The following STAG1 variants were observed in gnomAD, a reference collection of about 807,000 sequenced individuals.
STAG1 encodes STAG1 cohesin complex component, also known as cohesin subunit SA-1.
STAG1 carries 26 observed loss-of-function variants against 170.9 expected under a neutral mutation model. That is an observed-to-expected ratio of 0.15 (90% CI 0.11 to 0.21). The LOEUF (loss-of-function observed/expected upper bound fraction) is 0.21, where lower values mean the gene tolerates loss of function less well. Ranked by LOEUF, STAG1 falls within the 10% of genes least tolerant of loss-of-function variation. The probability of loss-of-function intolerance (pLI) is 1.00; values close to 1 mark genes in which losing one functional copy is unlikely to be tolerated. For missense variants in STAG1, 964 were observed against 1,509.5 expected, an observed-to-expected ratio of 0.64 and a Z score of 5.99; for synonymous variants, 514 against 497.7, an observed-to-expected ratio of 1.03 and a Z score of -0.44.
intron 15 of STAG1, among the ~76,000 whole-genome samples, chr3:136,437,849 C>G (rs1046654459): frequency 1.3e-5 from 2 of 152,156 alleles, no homozygotes; most frequent in Non-Finnish European, 2.9e-5. Flanking sequence ...GGCTCTTTCC[C>G]TCTTTATAAG....
At chr3:136,357,642 G>A in intron 28 of STAG1, 78 bp downstream of exon 28, 1 of 1,117,368 alleles carries the variant, frequency 8.9e-7, no homozygotes, top group South Asian at 1.7e-5. Flanking sequence ...ATATCCAAAT[G>A]ATTAAAAATT....
At chr3:136,747,146 GCCTGCATTC>G (rs1415599979) in intron 1 of STAG1, among the ~76,000 whole-genome samples, 2 of 147,318 alleles carry the variant, frequency 1.4e-5, no homozygotes, top group Admixed American at 6.8e-5. Context: ...GGTGGTGCGT[GCCTGCATTC>G]CCAGCTACTC....
intron 1 of STAG1, among the ~76,000 whole-genome samples, chr3:136,738,780 A>G (rs1934491650): frequency 6.6e-6 from 1 of 152,216 alleles, no homozygotes; most frequent in African/African-American, 2.4e-5. Flanking sequence ...AATGCTGAGA[A>G]CAGATTTTAA....
intron 28 of STAG1, among the ~76,000 whole-genome samples, chr3:136,355,061 T>C (rs1161688850): frequency 1.3e-5 from 2 of 151,740 alleles, no homozygotes; most frequent in African/African-American, 4.8e-5. Context: ...CAATTAAAAA[T>C]GTATGTACAG....
At chr3:136,733,554 TAGAC>T (rs913918744) in intron 1 of STAG1, among the ~76,000 whole-genome samples, 1 of 152,206 alleles carries the variant, frequency 6.6e-6, no homozygotes, top group African/African-American at 2.4e-5. Context: ...CAAGTTTACA[TAGAC>T]AGAAACACGC....
chr3:136,467,265 T>C (rs1188222118), intron 12 of STAG1, among the ~76,000 whole-genome samples: 1 of 151,954 alleles, frequency 6.6e-6, no homozygotes, highest in Non-Finnish European at 1.5e-5. Flanking sequence ...AGGAGACCCA[T>C]CTCACATGCA....
intron 6 of STAG1, among the ~76,000 whole-genome samples, chr3:136,537,792 G>A (rs1935711187): frequency 6.6e-6 from 1 of 151,874 alleles, no homozygotes; most frequent in South Asian, 2.1e-4. Context: ...CACTGCGCCT[G>A]GCCAATAGTA....
intron 1 of STAG1, among the ~76,000 whole-genome samples, chr3:136,651,480 A>G (rs566194580): frequency 1.3e-5 from 2 of 152,060 alleles, no homozygotes; most frequent in Non-Finnish European, 2.9e-5. Flanking sequence ...TTAAAATATT[A>G]AAAATCTTGT....
chr3:136,658,239 T>A (rs113773468), intron 1 of STAG1, among the ~76,000 whole-genome samples: 7 of 152,038 alleles, frequency 4.6e-5, no homozygotes, highest in African/African-American at 1.4e-4. Flanking sequence ...TACTGATGAT[T>A]AACGAACTTA....
rs190082014 is a variant in STAG1 at position 136,676,239 on chromosome 3, G to C, written c.-83-45258C>G. On this transcript the variant is annotated intron_variant, in intron 1 of 33. Coordinates refer to ENST00000383202, the MANE Select transcript of STAG1 (RefSeq NM_005862.3). Reference sequence around the variant, plus strand: ...GTAGTGAGTGAATGTGAAGGCCTAAGACATTACTGTCCATTACTGTAGACT... The same window carrying C: ...GTAGTGAGTGAATGTGAAGGCCTAACACATTACTGTCCATTACTGTAGACT... 6.6e-5 allele frequency among the ~76,000 whole-genome samples: 10 copies of C among 152,268 alleles called. 1 individual carries two copies. Among genetic ancestry groups the C allele is most frequent in the Admixed American group, 5.2e-4 (8 of 15,276 alleles).
chr3:136,679,499 C>T (rs772794067), intron 1 of STAG1, among the ~76,000 whole-genome samples: 12 of 152,164 alleles, frequency 7.9e-5, no homozygotes, highest in South Asian at 2.1e-4. Flanking sequence ...GAGGCCCAGG[C>T]GGGCGGATCA....
At chr3:136,589,287 T>C (rs1415231383) in intron 4 of STAG1, among the ~76,000 whole-genome samples, 1 of 151,732 alleles carries the variant, frequency 6.6e-6, no homozygotes, top group East Asian at 2.0e-4. Context: ...TGACCTGAGG[T>C]CAGGAGTTCG....
chr3:136,699,484 G>A (rs752955140), intron 1 of STAG1, among the ~76,000 whole-genome samples: 3 of 151,812 alleles, frequency 2.0e-5, no homozygotes, highest in Non-Finnish European at 2.9e-5. Flanking sequence ...TCTGCCTCCC[G>A]AGCTCAGACG....
chr3:136,369,488 T>A (rs1177123299), intron 23 of STAG1, among the ~76,000 whole-genome samples: 2 of 152,168 alleles, frequency 1.3e-5, no homozygotes, highest in Non-Finnish European at 2.9e-5. Context: ...TTAAGACTTT[T>A]CCCAAATATA....
At chr3:136,587,922 C>A (rs1180397571) in intron 4 of STAG1, among the ~76,000 whole-genome samples, 1 of 152,084 alleles carries the variant, frequency 6.6e-6, no homozygotes, top group Non-Finnish European at 1.5e-5. Flanking sequence ...AAGATGGCAC[C>A]ATTACACTCC....
At chr3:136,524,064 T>A (rs1934852043) in intron 6 of STAG1, among the ~76,000 whole-genome samples, 1 of 152,110 alleles carries the variant, frequency 6.6e-6, no homozygotes, top group African/African-American at 2.4e-5. Context: ...CTTAGGATTG[T>A]CTTGGCAATG....
chr3:136,741,365 CCT>C (rs1934662036), intron 1 of STAG1, among the ~76,000 whole-genome samples: 1 of 152,212 alleles, frequency 6.6e-6, no homozygotes. Context: ...AACTTGTCAG[CCT>C]ATAAATAGGG....
At chr3:136,625,181 T>C (rs779038209) in intron 2 of STAG1, among the ~76,000 whole-genome samples, 15 of 152,352 alleles carry the variant, frequency 9.8e-5, no homozygotes, top group Admixed American at 2.6e-4. Flanking sequence ...GAAAAGTACA[T>C]AGCAAATGGT....
At chr3:136,751,113 ACT>A (rs1404991252) in intron 1 of STAG1, among the ~76,000 whole-genome samples, 1 of 151,308 alleles carries the variant, frequency 6.6e-6, no homozygotes, top group Non-Finnish European at 1.5e-5. Context: ...ACGAGAATAA[ACT>A]CTATCCATCT....
Sources: allele counts gnomAD v4.1 joint callset (sites outside exome capture counted in the v4.1 genomes callset), GRCh38; gene constraint gnomAD v4.1.1; transcripts MANE v1.5; gene names NCBI Gene and HGNC (gene_info 2026-07-23, HGNC 2026-07-21).